LRCH1: variants seen among roughly 807,000 people sequenced by gnomAD.
LRCH1 encodes the protein leucine-rich repeat and calponin homology domain-containing protein 1.
LRCH1 carries 23 observed loss-of-function variants against 94.9 expected under a neutral mutation model. That is an observed-to-expected ratio of 0.24 (90% CI 0.17 to 0.34). The LOEUF is 0.34. Ranked by LOEUF, LRCH1 falls within the 10% of genes least tolerant of loss-of-function variation. The pLI, the probability that LRCH1 is intolerant of heterozygous loss-of-function variation, is 1.00. For synonymous variants in LRCH1, 364 were observed against 354.9 expected (o/e 1.03, Z -0.29); for missense variants, 790 against 945.9 (o/e 0.84, Z 2.16).
At chr13:46,728,614 A>T (rs573117073) in intron 17 of LRCH1, among the ~76,000 whole-genome samples, 1 of 152,324 alleles carries the variant, frequency 6.6e-6, no homozygotes, top group South Asian at 2.1e-4. Context: ...TGATTCCATT[A>T]TTCCATTCAT....
chr13:46,676,532 G>T (rs1268724703), intron 3 of LRCH1, among the ~76,000 whole-genome samples: 3 of 152,084 alleles, frequency 2.0e-5, no homozygotes, highest in Non-Finnish European at 4.4e-5. Flanking sequence ...CCACAAAAGG[G>T]CATGGCTACG....
At chr13:46,628,672 A>G (rs970019895) in intron 1 of LRCH1, among the ~76,000 whole-genome samples, 1 of 151,614 alleles carries the variant, frequency 6.6e-6, no homozygotes, top group African/African-American at 2.4e-5. Flanking sequence ...AGAAAAAAAA[A>G]AAAAAAACAC....
intron 15 of LRCH1, among the ~76,000 whole-genome samples, chr13:46,714,972 A>G (rs546903000): frequency 8.7e-4 from 133 of 152,348 alleles, no homozygotes; most frequent in Middle Eastern, 6.8e-3. Flanking sequence ...AGAATTAGCT[A>G]GATTCAGCTA....
chr13:46,573,022 T>C (rs2050257523), intron 1 of LRCH1, among the ~76,000 whole-genome samples: 1 of 152,198 alleles, frequency 6.6e-6, no homozygotes, highest in South Asian at 2.1e-4. Context: ...TAATAGCACC[T>C]GTCACAGAGG....
chr13:46,606,209 GA>G (rs1344958784), intron 1 of LRCH1, among the ~76,000 whole-genome samples: 1 of 151,696 alleles, frequency 6.6e-6, no homozygotes, highest in East Asian at 1.9e-4. Flanking sequence ...TTAACCTTCT[GA>G]AATCTTATTT....
chr13:46,559,994 C>T (rs2050111942), intron 1 of LRCH1, among the ~76,000 whole-genome samples: 2 of 151,928 alleles, frequency 1.3e-5, no homozygotes, highest in African/African-American at 4.8e-5. Context: ...ATGTTGACGT[C>T]GATTAATTCA....
At chr13:46,705,235 T>C in intron 12 of LRCH1, 33 bp from the exon 13 acceptor site, 1 of 1,526,336 alleles carries the variant, frequency 6.6e-7, no homozygotes, top group South Asian at 1.2e-5. Flanking sequence ...AATTTCACTT[T>C]GTATCTTTTT....
intron 8 of LRCH1, among the ~76,000 whole-genome samples, chr13:46,694,502 G>A (rs1047185523): frequency 6.6e-6 from 1 of 152,126 alleles, no homozygotes; most frequent in Admixed American, 6.5e-5. Flanking sequence ...TCCCTAAAAT[G>A]TTTAGCATAA....
intron 17 of LRCH1, 93 bp from the exon 18 acceptor site, chr13:46,728,754 T>C: frequency 8.6e-7 from 1 of 1,161,158 alleles, no homozygotes; most frequent in South Asian, 2.1e-5. Context: ...ATGATGAAAT[T>C]AGTGCCTCAG....
At chr13:46,751,461 A>G (rs780958385) in exon 19 of LRCH1, 14 of 152,270 alleles carry the variant, frequency 9.2e-5, no homozygotes, top group African/African-American at 2.9e-4. Flanking sequence ...CTGTCCCCCA[A>G]TATAATGAAC....
chr13:46,582,924 C>A (rs145870720), intron 1 of LRCH1, among the ~76,000 whole-genome samples: 158 of 152,014 alleles, frequency 1.0e-3, no homozygotes, highest in African/African-American at 3.6e-3. Flanking sequence ...CAAAGACTTG[C>A]TCTCTCAGTA....
chr13:46,734,183 A>G (rs1873256024), intron 19 of LRCH1, among the ~76,000 whole-genome samples, 185 bp downstream of exon 19: 1 of 152,182 alleles, frequency 6.6e-6, no homozygotes, highest in South Asian at 2.1e-4. Flanking sequence ...TAAAATGACT[A>G]TGCAATATGT....
intron 1 of LRCH1, among the ~76,000 whole-genome samples, chr13:46,561,549 C>T: frequency 6.9e-6 from 1 of 145,816 alleles, no homozygotes; most frequent in African/African-American, 2.8e-5. Flanking sequence ...CGATGTGTTC[C>T]TCTGTTATTC....
chr13:46,568,705 C>T (rs960988857), intron 1 of LRCH1, among the ~76,000 whole-genome samples: 4 of 152,050 alleles, frequency 2.6e-5, no homozygotes, highest in African/African-American at 9.7e-5. Flanking sequence ...GTGACAGAAG[C>T]ATATAGAAAG....
chr13:46,669,030 T>G lies in LRCH1; in HGVS notation c.453T>G (p.Ser151Arg). 3.1e-6 allele frequency: 5 copies of G among 1,613,808 alleles called. No homozygotes were observed. The highest frequency in any genetic ancestry group is 4.2e-6 in the Non-Finnish European group (5 of 1,179,864). ...TGTTCTTGTTGTATTGTCTTTGCAG[T>G]CGAAATCAGCTGTCCGCCCTGCCTG... The part of the protein sequence containing the change: ...NLQMLTYLNL[S>R]RNQLSALPAC... Residue 151 changes from serine to arginine, a missense_variant and splice_region_variant, in exon 3 of 20, where the codon AGT becomes AGG. This residue lies in a region of LRCH1 where 194 missense variants were observed against 293.5 expected (regional missense o/e 0.66). Transcript: ENST00000389797.
chr13:46,687,754 G>A, intron 5 of LRCH1, 98 bp from the exon 6 acceptor site: 5 of 1,008,298 alleles, frequency 5.0e-6, no homozygotes, highest in Non-Finnish European at 7.1e-6. Flanking sequence ...TACTTAAAAT[G>A]AAACTGGGAA....
chr13:46,601,093 C>T (rs2050623191), intron 1 of LRCH1, among the ~76,000 whole-genome samples: 1 of 152,248 alleles, frequency 6.6e-6, no homozygotes, highest in Non-Finnish European at 1.5e-5. Context: ...TTAAAGGGCT[C>T]AGGCCCATTG....
intron 8 of LRCH1, among the ~76,000 whole-genome samples, chr13:46,693,997 TG>T (rs1871047275): frequency 6.6e-6 from 1 of 152,280 alleles, no homozygotes; most frequent in Admixed American, 6.5e-5. Flanking sequence ...TTAGCATTTC[TG>T]TTTACCTGAG....
At chr13:46,594,242 T>TGA (rs1190240434) in intron 1 of LRCH1, among the ~76,000 whole-genome samples, 11 of 133,630 alleles carry the variant, frequency 8.2e-5, no homozygotes, top group Admixed American at 7.5e-5. Context: ...TTAATCTCAG[T>TGA]GAAAAAAAAA....
Sources: gnomAD v4.1 joint callset for allele counts (sites outside exome capture counted in the v4.1 genomes callset) on GRCh38, gnomAD v4.1.1 for gene constraint, gnomAD v4.1.1 regional missense constraint, MANE v1.5 for transcripts, NCBI Gene and HGNC (gene_info 2026-07-23, HGNC 2026-07-21) for gene names.